TTC7B: variants seen among roughly 807,000 people sequenced by gnomAD.
The protein encoded by TTC7B is tetratricopeptide repeat domain 7B.
A neutral mutation model predicts 106.8 loss-of-function variants in TTC7B; 28 were observed. That is an observed-to-expected ratio of 0.26 (90% CI 0.19 to 0.36). TTC7B has a LOEUF of 0.36. TTC7B is among the 10% of genes least tolerant of loss of function. The pLI, the probability that TTC7B is intolerant of heterozygous loss-of-function variation, is 1.00. For missense variants in TTC7B, 862 were observed against 1,076.4 expected, an observed-to-expected ratio of 0.80 and a Z score of 2.79; for synonymous variants, 405 against 430.6, an observed-to-expected ratio of 0.94 and a Z score of 0.74.
Position 90,657,102 on chromosome 14 carries a change from C to T in TTC7B, c.1341+72G>A, listed in dbSNP as rs183065761. 8.1e-5 allele frequency: 104 copies of T among 1,291,430 alleles called. 1 individual carries two copies. The highest frequency in any genetic ancestry group is 7.8e-4 in the African/African-American group (53 of 68,250). 80.0% of individuals were successfully genotyped at this position (1,291,430 alleles called of 1,614,324 possible). The stretch of plus-strand genomic sequence containing the variant: ...TCACCCTCGCTTTCTCTCTGTGCCT[C>T]GACATGAAAAAAATGGGCAGTCCTG... On this transcript the variant is annotated intron_variant, in intron 11 of 19. Transcript: ENST00000328459. This position sits in a 1 kb window ranked among gnomAD's most constrained non-coding sequence, Gnocchi z 4.2.
rs149980910 is a variant in TTC7B at position 90,685,841 on chromosome 14, T to G, written c.950+3699A>C. ...ACCTAAAATAAGTAAAGAGATTGAA[T>G]TAGCATTTAAAAAAAAACAAAAAAA... On this transcript the variant is annotated intron_variant, in intron 7 of 19. Transcript: ENST00000328459. Among the ~76,000 whole-genome samples, 956 of 152,124 alleles carry G rather than the reference T, an allele frequency of 6.3e-3. 8 individuals carry two copies. Among genetic ancestry groups the G allele is most frequent in the African/African-American group, 0.022 (905 of 41,512 alleles).
intron 15 of TTC7B, among the ~76,000 whole-genome samples, chr14:90,620,964 A>C (rs1417535527): frequency 6.6e-6 from 1 of 152,238 alleles, no homozygotes; most frequent in Non-Finnish European, 1.5e-5. Context: ...GGAAAAAAGC[A>C]CTTGGAAGAC....
chr14:90,553,303 C>G (rs1441205941), intron 19 of TTC7B, among the ~76,000 whole-genome samples: 1 of 152,328 alleles, frequency 6.6e-6, no homozygotes, highest in East Asian at 1.9e-4. Flanking sequence ...GGGGTTTAGG[C>G]CTTTCCAGCA....
At chr14:90,760,259 G>C (rs911752981) in intron 3 of TTC7B, among the ~76,000 whole-genome samples, 2 of 152,108 alleles carry the variant, frequency 1.3e-5, no homozygotes, top group African/African-American at 4.8e-5. Context: ...GGGCAGGTGG[G>C]CAAGGAGGCA....
At chr14:90,670,649 T>G (rs934100393) in intron 9 of TTC7B, among the ~76,000 whole-genome samples, 2 of 152,150 alleles carry the variant, frequency 1.3e-5, no homozygotes, top group Non-Finnish European at 2.9e-5. Flanking sequence ...AGGACCACGT[T>G]AAGAAAGCAA....
intron 4 of TTC7B, among the ~76,000 whole-genome samples, chr14:90,737,174 AAAAC>A (rs1240422760): frequency 6.6e-6 from 1 of 152,214 alleles, no homozygotes; most frequent in East Asian, 1.9e-4. Flanking sequence ...AAACTGTAAG[AAAAC>A]AACACTTCCA....
At chr14:90,690,892 A>T (rs1437534874) in intron 6 of TTC7B, among the ~76,000 whole-genome samples, 2 of 152,234 alleles carry the variant, frequency 1.3e-5, no homozygotes, top group East Asian at 3.8e-4. Context: ...TCTGATAACC[A>T]CTGGGTAAAG....
intron 19 of TTC7B, among the ~76,000 whole-genome samples, chr14:90,551,894 G>C (rs1890096890): frequency 6.6e-6 from 1 of 152,252 alleles, no homozygotes; most frequent in African/African-American, 2.4e-5. Context: ...AAAAGGAACT[G>C]AAAACATGCG....
At chr14:90,660,418 A>G (rs1886150693) in intron 9 of TTC7B, among the ~76,000 whole-genome samples, 1 of 138,250 alleles carries the variant, frequency 7.2e-6, no homozygotes, top group South Asian at 2.3e-4. Context: ...AAAAAAAAAA[A>G]AAAGAAAAGA....
chr14:90,689,483 T>G, intron 7 of TTC7B, 57 bp downstream of exon 7: 5 of 1,485,322 alleles, frequency 3.4e-6, no homozygotes, highest in Non-Finnish European at 4.6e-6. Flanking sequence ...ATCCTTGAAT[T>G]TTCCCAAGTT....
chr14:90,806,407 C>G (rs1001626383), intron 1 of TTC7B, among the ~76,000 whole-genome samples: 3 of 152,216 alleles, frequency 2.0e-5, no homozygotes, highest in Admixed American at 1.3e-4. Flanking sequence ...CCCACCTCCC[C>G]GCTGCAGGGC....
chr14:90,563,519 A>T (rs1459107608), intron 19 of TTC7B, among the ~76,000 whole-genome samples: 7 of 152,242 alleles, frequency 4.6e-5, no homozygotes, highest in African/African-American at 7.2e-5. Flanking sequence ...TCTGGCCTCC[A>T]TGTTGATGGC....
chr14:90,710,866 A>C (rs1212471275), intron 5 of TTC7B, among the ~76,000 whole-genome samples: 2 of 152,222 alleles, frequency 1.3e-5, no homozygotes. Flanking sequence ...CAAAAAATTC[A>C]TGTGACTTGT....
Position 90,657,397 on chromosome 14 carries a change from G to C in TTC7B, c.1237-119C>G, listed in dbSNP as rs1305683178. ...TCCTCGTGGGCTTGTCCAACTTTAAGCCCAAGCAAGCGGGGGCCTGAGGTG... is the reference window on the plus strand; with the variant it reads ...TCCTCGTGGGCTTGTCCAACTTTAACCCCAAGCAAGCGGGGGCCTGAGGTG... On this transcript the variant is annotated intron_variant, in intron 10 of 19. Coordinates refer to ENST00000328459, the MANE Select transcript of TTC7B (RefSeq NM_001010854.2). This position sits in a 1 kb window ranked among gnomAD's most constrained non-coding sequence, Gnocchi z 4.2. The C allele has an allele frequency of 1.1e-6, 1 of 871,388 alleles. No homozygotes were observed. The highest frequency in any genetic ancestry group is 2.4e-5 in the Admixed American group (1 of 41,254). 54.0% of individuals were successfully genotyped at this position (871,388 alleles called of 1,614,324 possible).
chr14:90,733,325 G>C (rs1275903365), intron 4 of TTC7B, among the ~76,000 whole-genome samples: 1 of 151,994 alleles, frequency 6.6e-6, no homozygotes, highest in Non-Finnish European at 1.5e-5. Context: ...GGTGGAGCTG[G>C]TGCAGAAACC....
Position 90,530,953 on chromosome 14 carries a change from G to A in TTC7B, c.*10415C>T, listed in dbSNP as rs2139749531. 1 of 152,080 alleles carries A rather than the reference G, an allele frequency of 6.6e-6. No homozygotes were observed. Among genetic ancestry groups the A allele is most frequent in the East Asian group, 1.9e-4 (1 of 5,176 alleles). The allele number at this position is 152,080 out of a possible 1,614,324, so 9.4% of individuals were successfully genotyped here. A position where few individuals can be genotyped will look rare whatever the true frequency, so the allele number is the denominator to read the frequency against. On this transcript the variant is annotated 3_prime_UTR_variant, in exon 20 of 20. Coordinates refer to ENST00000328459, the MANE Select transcript of TTC7B (RefSeq NM_001010854.2). ...ACCACTGTGTTCCCCAATAACCTAT[G>A]AAAATAAAAAATTAAAATTCTATAG...
chr14:90,752,009 G>A (rs1477223993), intron 3 of TTC7B, among the ~76,000 whole-genome samples: 2 of 152,176 alleles, frequency 1.3e-5, no homozygotes, highest in Non-Finnish European at 2.9e-5. Flanking sequence ...AGTGCACAGG[G>A]TGGAGTGTGG....
intron 5 of TTC7B, among the ~76,000 whole-genome samples, chr14:90,723,571 T>C (rs1888974784): frequency 6.6e-6 from 1 of 152,180 alleles, no homozygotes; most frequent in African/African-American, 2.4e-5. Context: ...CTGCACATTT[T>C]GCACCCACTC....
chr14:90,589,420 T>C (rs1207784057), intron 18 of TTC7B, among the ~76,000 whole-genome samples: 1 of 152,238 alleles, frequency 6.6e-6, no homozygotes, highest in Non-Finnish European at 1.5e-5. Context: ...TCCTGTGTGT[T>C]TTAAATCATC....
Sources: gnomAD v4.1 joint callset for allele counts (sites outside exome capture counted in the v4.1 genomes callset) on GRCh38, gnomAD v4.1.1 for gene constraint, Gnocchi (gnomAD v3.1) non-coding constraint, MANE v1.5 for transcripts, NCBI Gene and HGNC (gene_info 2026-07-23, HGNC 2026-07-21) for gene names.